Variants in ADCY2 observed in about 807,000 individuals in gnomAD.
ADCY2 encodes adenylate cyclase type 2.
Under a neutral mutation model 125.2 loss-of-function variants are expected in ADCY2, and 31 were observed. The ratio of observed to expected loss-of-function variants is 0.25; its 90% CI spans 0.19 to 0.33. ADCY2 has a LOEUF of 0.33. ADCY2 is among the 10% of genes least tolerant of loss of function. The pLI is 1.00. For missense variants in ADCY2, 904 were observed against 1,418.2 expected, an observed-to-expected ratio of 0.64 and a Z score of 5.82; for synonymous variants, 512 against 548.4, an observed-to-expected ratio of 0.93 and a Z score of 0.93.
chr5:7,593,356 C>T (rs1322774088), intron 3 of ADCY2, among the ~76,000 whole-genome samples: 3 of 152,164 alleles, frequency 2.0e-5, no homozygotes, highest in Non-Finnish European at 4.4e-5. Context: ...AGAAAGTGAA[C>T]TTGTCTTGCA....
At chr5:7,777,015 T>C (rs1359977567) in intron 18 of ADCY2, among the ~76,000 whole-genome samples, 1 of 152,052 alleles carries the variant, frequency 6.6e-6, no homozygotes, top group East Asian at 1.9e-4. Flanking sequence ...GGGCTTCACC[T>C]TGTGATCTGG....
chr5:7,816,338 T>G (rs1026504182), intron 22 of ADCY2, among the ~76,000 whole-genome samples: 3 of 152,188 alleles, frequency 2.0e-5, no homozygotes, highest in African/African-American at 7.2e-5. Flanking sequence ...GTGGAAAGCC[T>G]GCGGTGAGCA....
intron 7 of ADCY2, among the ~76,000 whole-genome samples, chr5:7,706,523 GCCTGATC>G (rs902159880): frequency 6.6e-6 from 1 of 152,184 alleles, no homozygotes; most frequent in Non-Finnish European, 1.5e-5. Context: ...CTATAGTCTG[GCCTGATC>G]TAGCTTTAAT....
Position 7,709,174 on chromosome 5 carries a change from G to T in ADCY2, c.1402-37G>T. On this transcript the variant is annotated intron_variant, in intron 9 of 24. Coordinates refer to ENST00000338316, the MANE Select transcript of ADCY2 (RefSeq NM_020546.3). The surrounding 1 kb of genome is among the most constrained non-coding windows in gnomAD (Gnocchi z 4.4). ...CCAAAAGGATCATGTGTGGCCCTGT[G>T]CTGTGCCAGGTGTGATGCTTTGTTT... 1.3e-6 allele frequency: 2 copies of T among 1,562,600 alleles called. No homozygotes were observed. Among genetic ancestry groups the T allele is most frequent in the Non-Finnish European group, 1.7e-6 (2 of 1,153,968 alleles).
At chr5:7,705,627 G>A (rs1177120091) in intron 7 of ADCY2, among the ~76,000 whole-genome samples, 1 of 152,006 alleles carries the variant, frequency 6.6e-6, no homozygotes, top group East Asian at 1.9e-4. Context: ...GTGGGGGTGG[G>A]TCTCCTTGTC....
chr5:7,724,309 T>G (rs963305566), intron 12 of ADCY2, among the ~76,000 whole-genome samples: 3 of 152,024 alleles, frequency 2.0e-5, no homozygotes, highest in Admixed American at 2.0e-4. Flanking sequence ...GTTTATAATA[T>G]AGAATTTTCC....
chr5:7,419,470 C>T (rs1380740231), intron 2 of ADCY2, among the ~76,000 whole-genome samples: 1 of 152,176 alleles, frequency 6.6e-6, no homozygotes, highest in Non-Finnish European at 1.5e-5. Context: ...TGCCGAAGCT[C>T]AACTGAGCCT....
intron 3 of ADCY2, among the ~76,000 whole-genome samples, chr5:7,594,921 G>C (rs1036241182): frequency 6.6e-6 from 1 of 152,164 alleles, no homozygotes; most frequent in African/African-American, 2.4e-5. Context: ...AGCCTCAAGG[G>C]CAGCTTCAAA....
intron 24 of ADCY2, among the ~76,000 whole-genome samples, chr5:7,822,757 ACT>A (rs1446592610): frequency 7.3e-5 from 11 of 151,670 alleles, no homozygotes; most frequent in South Asian, 2.1e-4. Flanking sequence ...TGTGCTGAAC[ACT>A]CTATTTGTCT....
chr5:7,437,627 G>C (rs528749892), intron 2 of ADCY2, among the ~76,000 whole-genome samples: 1 of 152,330 alleles, frequency 6.6e-6, no homozygotes, highest in South Asian at 2.1e-4. Context: ...ATAGGTACTC[G>C]GGAAATTTTA....
At chr5:7,403,583 T>C (rs1384225538) in intron 1 of ADCY2, among the ~76,000 whole-genome samples, 1 of 152,212 alleles carries the variant, frequency 6.6e-6, no homozygotes, top group Non-Finnish European at 1.5e-5. Context: ...TGAACTAGAA[T>C]ATCTCTAGTT....
At chr5:7,682,954 A>G (rs1740390179) in intron 4 of ADCY2, among the ~76,000 whole-genome samples, 2 of 152,158 alleles carry the variant, frequency 1.3e-5, no homozygotes, top group Non-Finnish European at 2.9e-5. Flanking sequence ...TCTGGTTTTT[A>G]TTTTGGAGGA....
At chr5:7,711,999 C>T (rs1341033783) in intron 10 of ADCY2, among the ~76,000 whole-genome samples, 1 of 152,152 alleles carries the variant, frequency 6.6e-6, no homozygotes, top group Non-Finnish European at 1.5e-5. Flanking sequence ...TTTATCTAAT[C>T]CCCTATACAG....
At chr5:7,424,216 C>T (rs1740309402) in intron 2 of ADCY2, among the ~76,000 whole-genome samples, 1 of 152,232 alleles carries the variant, frequency 6.6e-6, no homozygotes, top group Non-Finnish European at 1.5e-5. Context: ...TGCACTTGCC[C>T]CTTCTACCGT....
intron 16 of ADCY2, among the ~76,000 whole-genome samples, chr5:7,761,143 C>CTTTT (rs1482654809): frequency 0.013 from 860 of 64,156 alleles, 13 homozygotes; most frequent in Admixed American, 0.029. Context: ...CTTTTCTTTT[C>CTTTT]TTTTCTTTTT....
At chr5:7,778,849 G>A (rs1354272835) in intron 18 of ADCY2, among the ~76,000 whole-genome samples, 1 of 152,222 alleles carries the variant, frequency 6.6e-6, no homozygotes, top group Non-Finnish European at 1.5e-5. Flanking sequence ...AGGTCAGGAA[G>A]AGCTGCAGAC....
At chr5:7,559,544 G>C (rs1735639687) in intron 3 of ADCY2, among the ~76,000 whole-genome samples, 1 of 152,194 alleles carries the variant, frequency 6.6e-6, no homozygotes, top group African/African-American at 2.4e-5. Context: ...AGACTTTGCT[G>C]AAGTTATTTA....
intron 3 of ADCY2, among the ~76,000 whole-genome samples, chr5:7,578,791 C>T (rs1736333905): frequency 6.6e-6 from 1 of 152,110 alleles, no homozygotes; most frequent in Non-Finnish European, 1.5e-5. Flanking sequence ...CCTCGATGCT[C>T]CCAACAGAGT....
At chr5:7,406,410 CACAGTAA>C (rs1190110709) in intron 1 of ADCY2, among the ~76,000 whole-genome samples, 1 of 152,140 alleles carries the variant, frequency 6.6e-6, no homozygotes, top group East Asian at 1.9e-4. Flanking sequence ...CTAGGATAAC[CACAGTAA>C]ACCCTTCTGC....
Sources: allele counts gnomAD v4.1 joint callset (sites outside exome capture counted in the v4.1 genomes callset), GRCh38; gene constraint gnomAD v4.1.1; non-coding constraint Gnocchi (gnomAD v3.1); transcripts MANE v1.5; gene names NCBI Gene and HGNC (gene_info 2026-07-23, HGNC 2026-07-21).